Variants in FER observed in about 807,000 individuals in gnomAD.
The protein encoded by FER is FER tyrosine kinase.
In FER, 63 loss-of-function variants were observed where a neutral mutation model predicts 111.0. That is an observed-to-expected ratio of 0.57 (90% CI 0.46 to 0.70). The LOEUF is 0.70. FER is among the 30% of genes least tolerant of loss of function. The probability of loss-of-function intolerance (pLI) is 0.00; values close to 1 mark genes in which losing one functional copy is unlikely to be tolerated. For synonymous variants in FER, 327 were observed against 313.9 expected (o/e 1.04, Z -0.44); for missense variants, 914 against 954.0 (o/e 0.96, Z 0.55).
intron 3 of FER, among the ~76,000 whole-genome samples, chr5:108,829,149 C>T (rs1162050903): frequency 6.6e-6 from 1 of 152,158 alleles, no homozygotes; most frequent in Non-Finnish European, 1.5e-5. Flanking sequence ...ACAAATATCC[C>T]ACCCACCCAG....
At chr5:109,039,452 A>C (rs1362980996) in intron 14 of FER, among the ~76,000 whole-genome samples, 10 of 152,162 alleles carry the variant, frequency 6.6e-5, no homozygotes, top group Non-Finnish European at 1.5e-5. Flanking sequence ...GATAAACAAT[A>C]AGCATAATAA....
chr5:108,897,607 C>A, intron 9 of FER, 52 bp from the exon 10 acceptor site: 1 of 1,321,338 alleles, frequency 7.6e-7, no homozygotes, highest in Non-Finnish European at 1.0e-6. Context: ...TATGAGGTTT[C>A]CTTAATGTCT....
At chr5:109,015,857 T>C (rs777820926) in intron 13 of FER, among the ~76,000 whole-genome samples, 5 of 152,036 alleles carry the variant, frequency 3.3e-5, no homozygotes, top group African/African-American at 4.8e-5. Flanking sequence ...TGTGCCTTTT[T>C]CCACCTCCTC....
At chr5:108,894,364 G>C in intron 9 of FER, 1 of 988,524 alleles carries the variant, frequency 1.0e-6, no homozygotes, top group African/African-American at 1.7e-5. Flanking sequence ...TGCTGCAAGG[G>C]TTCCTTCCTT....
intron 17 of FER, among the ~76,000 whole-genome samples, chr5:109,146,702 CA>C (rs1387151740): frequency 2.0e-5 from 3 of 151,974 alleles, no homozygotes; most frequent in Non-Finnish European, 4.4e-5. Context: ...CAAAGTGACA[CA>C]TCGATTTGAA....
At position 108,787,357 on chromosome 5, in the gene FER, C is replaced by G. The variant is rs1266981067; in HGVS notation, c.-59-10767C>G. On this transcript the variant is annotated intron_variant, in intron 2 of 19. Coordinates refer to ENST00000281092, the MANE Select transcript of FER (RefSeq NM_005246.4). Reference sequence around the variant, plus strand: ...GGGCTGAGGGCAGCTTGGCACCAGCCTGCAGGCGCCTCTTGGGACAGTCAG... The same window carrying G: ...GGGCTGAGGGCAGCTTGGCACCAGCGTGCAGGCGCCTCTTGGGACAGTCAG... Among the ~76,000 whole-genome samples, 3 of 152,206 alleles carry G rather than the reference C, an allele frequency of 2.0e-5. No homozygotes were observed. In the East Asian group the frequency reaches 5.8e-4, roughly 29 times the overall value.
chr5:108,909,209 A>G (rs1291387887), intron 10 of FER, among the ~76,000 whole-genome samples: 1 of 152,198 alleles, frequency 6.6e-6, no homozygotes, highest in African/African-American at 2.4e-5. Flanking sequence ...TTTTATAAAG[A>G]GAATGTGTGA....
chr5:109,009,763 C>T (rs1399804721), intron 13 of FER, among the ~76,000 whole-genome samples: 2 of 152,138 alleles, frequency 1.3e-5, no homozygotes, highest in Non-Finnish European at 2.9e-5. Flanking sequence ...CTGACTTAGC[C>T]TGGATTTACT....
rs531181672 is a variant in FER at position 109,153,913 on chromosome 5, T to G, written c.2049-26834T>G. Among the ~76,000 whole-genome samples the G allele has an allele frequency of 7.0e-4, 107 of 152,000 alleles. 4 individuals are homozygous for G. The South Asian group carries it at 0.022, about 31-fold the overall frequency. On this transcript the variant is annotated intron_variant, in intron 17 of 19. Transcript: ENST00000281092. ...AATAAAGTGACTGGCTCCAGAATGT[T>G]TTATTATAGACAGTTTGCCTGGAAA...
At chr5:108,985,344 A>C (rs1475954478) in intron 13 of FER, among the ~76,000 whole-genome samples, 1 of 151,822 alleles carries the variant, frequency 6.6e-6, no homozygotes, top group African/African-American at 2.4e-5. Context: ...AAATTGTTCT[A>C]CTCTTTGACC....
At chr5:108,940,630 GT>G (rs140267201) in intron 10 of FER, among the ~76,000 whole-genome samples, 18,953 of 152,078 alleles carry the variant, frequency 0.12, 1,237 homozygotes, top group Middle Eastern at 0.17. Flanking sequence ...AGCATCAGGT[GT>G]AGGCCGATGT....
chr5:109,070,210 A>G (rs910535655), intron 16 of FER, among the ~76,000 whole-genome samples: 2 of 151,928 alleles, frequency 1.3e-5, no homozygotes, highest in African/African-American at 2.4e-5. Context: ...GGAAAAGATT[A>G]TTGAAAACAT....
At chr5:109,170,988 C>T (rs1367475733) in intron 17 of FER, among the ~76,000 whole-genome samples, 3 of 152,084 alleles carry the variant, frequency 2.0e-5, no homozygotes, top group Non-Finnish European at 4.4e-5. Flanking sequence ...GTGGTTCCTC[C>T]AAATTATTGC....
At chr5:108,958,394 C>A (rs1048066185) in intron 12 of FER, among the ~76,000 whole-genome samples, 2 of 151,772 alleles carry the variant, frequency 1.3e-5, no homozygotes, top group Non-Finnish European at 3.0e-5. Flanking sequence ...GCTTTTGTTA[C>A]ATTGCATTGC....
intron 10 of FER, among the ~76,000 whole-genome samples, chr5:108,940,994 A>C (rs1756185662): frequency 1.3e-5 from 2 of 152,048 alleles, no homozygotes; most frequent in African/African-American, 2.4e-5. Context: ...TTAGAGCTGA[A>C]AGTTGTCTTC....
intron 3 of FER, among the ~76,000 whole-genome samples, chr5:108,819,355 G>T (rs1758605944): frequency 1.3e-5 from 2 of 151,964 alleles, no homozygotes; most frequent in Non-Finnish European, 2.9e-5. Flanking sequence ...GTAGTTTGTA[G>T]ATATTAAGAC....
intron 2 of FER, among the ~76,000 whole-genome samples, chr5:108,772,771 C>T (rs1440145912): frequency 6.6e-6 from 1 of 152,162 alleles, no homozygotes; most frequent in African/African-American, 2.4e-5. Context: ...AAATTCAAGG[C>T]GTTCCTCCTC....
rs991639747 is a variant in FER, at chr5:108,954,743, C to G, written c.1344C>G (p.Ile448Met). The change falls in exon 12 of 20, where the codon ATC (isoleucine) becomes ATG (methionine). Residue 448 changes from isoleucine (I) to methionine (M), a missense_variant. By Grantham distance (10) the Ile-to-Met change is conservative (BLOSUM62 1). Coordinates refer to ENST00000281092, the MANE Select transcript of FER (RefSeq NM_005246.4). ...ATTTGTTTAAGCTTTCTGATATGAT[C>G]TCCATCAGTGAGAAGCCTTTGGCAG... is the stretch of plus-strand genomic sequence containing the variant. ...ALGSSALSDMISISEKPLAEQ... is the reference protein window; with the variant it reads ...ALGSSALSDMMSISEKPLAEQ... 6.3e-7 allele frequency: 1 copy of G among 1,578,392 alleles called. No individual in the cohort carries two copies. Among genetic ancestry groups the G allele is most frequent in the Non-Finnish European group, 8.6e-7 (1 of 1,162,168 alleles).
At chr5:108,898,294 A>G (rs1749446742) in intron 10 of FER, among the ~76,000 whole-genome samples, 1 of 152,196 alleles carries the variant, frequency 6.6e-6, no homozygotes, top group Non-Finnish European at 1.5e-5. Context: ...TTCTGCTCAT[A>G]AATGTGACCC....
Sources: gnomAD v4.1 joint callset for allele counts (sites outside exome capture counted in the v4.1 genomes callset) on GRCh38, gnomAD v4.1.1 for gene constraint, MANE v1.5 for transcripts, NCBI Gene and HGNC (gene_info 2026-07-23, HGNC 2026-07-21) for gene names.